The following LALBA variants were observed in gnomAD, a reference collection of about 807,000 sequenced individuals.
The protein encoded by LALBA is lactalbumin alpha.
Under a neutral mutation model 13.4 loss-of-function variants are expected in LALBA, and 12 were observed. That is an observed-to-expected ratio of 0.89 (90% confidence interval 0.57 to 1.45). The LOEUF (loss-of-function observed/expected upper bound fraction) is 1.45, where lower values mean the gene tolerates loss of function less well. Among genes scored for constraint, LALBA ranks in the 40% most tolerant of loss-of-function variants. The pLI is 0.00. For synonymous variants in LALBA, 64 were observed against 61.0 expected, an observed-to-expected ratio of 1.05 and a Z score of -0.23; for missense variants, 145 against 165.9, an observed-to-expected ratio of 0.87 and a Z score of 0.69.
chr12:48,569,543 G>A lies in LALBA; in HGVS notation c.134-303C>T, dbSNP rs544289778. The stretch of plus-strand genomic sequence containing the variant: ...AGCCTGGCCAACATGGTGAAACCCT[G>A]TCTCTACAAAAAATACAAAATTAGC... On this transcript the variant is annotated intron_variant, in intron 1 of 3. Transcript: ENST00000301046. Among the ~76,000 whole-genome samples the A allele has an allele frequency of 2.0e-5, 3 of 152,150 alleles. No individual in the cohort carries two copies. The South Asian group carries it at 6.2e-4, about 32-fold the overall frequency.
At chr12:48,571,792 A>T (rs1938637304), upstream of LALBA, among the ~76,000 whole-genome samples, 1 of 152,166 alleles carries the variant, frequency 6.6e-6, no homozygotes, top group Non-Finnish European at 1.5e-5. Context: ...GTCAGGGAAA[A>T]GTCCTCTCAG....
At position 48,567,876 on chromosome 12, in the gene LALBA, A is replaced by G; in HGVS notation, c.*81T>C. 8.4e-7 allele frequency: 1 copy of G among 1,194,576 alleles called. No homozygotes were observed. The allele number at this position is 1,194,576 out of a possible 1,614,324, so 74.0% of individuals were successfully genotyped here. On this transcript the variant is annotated 3_prime_UTR_variant, in exon 4 of 4. Transcript: ENST00000301046. Reference sequence around the variant, plus strand: ...AGACAGATAAGCTTTGGGGGAACAGAAAGAAACAAACTGAGGTGGCATTAG... The same window carrying G: ...AGACAGATAAGCTTTGGGGGAACAGGAAGAAACAAACTGAGGTGGCATTAG...
At position 48,569,064 on chromosome 12, in the gene LALBA, G is replaced by T; in HGVS notation, c.292+18C>A. On this transcript the variant is annotated intron_variant, in intron 2 of 3. Transcript: ENST00000301046. ...GGCCTCAGAAAAACAGAGAAAGAGG[G>T]TTATAGGGGCTACTCACTGTCACAG... is the stretch of plus-strand genomic sequence containing the variant. 6.3e-7 allele frequency: 1 copy of T among 1,599,714 alleles called. No individual in the cohort carries two copies. Among genetic ancestry groups the T allele is most frequent in the Middle Eastern group, 1.7e-4 (1 of 5,984 alleles).
chr12:48,570,631 T>C (rs1212591914), upstream of LALBA, among the ~76,000 whole-genome samples: 2 of 152,068 alleles, frequency 1.3e-5, no homozygotes, highest in South Asian at 2.1e-4. Context: ...AACAATCCGA[T>C]ATAACTTGGA....
chr12:48,568,552 G>T lies in LALBA; in HGVS notation c.333C>A (p.Ala111=). The T allele has an allele frequency of 6.2e-7, 1 of 1,600,250 alleles. No individual in the cohort carries two copies. The highest frequency in any genetic ancestry group is 8.5e-7 in the Non-Finnish European group (1 of 1,169,618). The part of the protein sequence containing the change: ...DDDITDDIMC[A]KKILDIKGID... The stretch of plus-strand genomic sequence containing the variant: ...TTCCTTTAATATCCAGGATCTTCTT[G>T]GCACACATTATGTCATCAGTAATGT... Residue 111 remains alanine (A), a synonymous_variant, in exon 3 of 4, where the codon GCC becomes GCA. Coordinates refer to ENST00000301046, the MANE Select transcript of LALBA (RefSeq NM_002289.3).
chr12:48,569,757 GA>G, intron 1 of LALBA, 130 bp downstream of exon 1: 1 of 781,502 alleles, frequency 1.3e-6, no homozygotes, highest in Non-Finnish European at 2.0e-6. Flanking sequence ...TGAAATAAAA[GA>G]GTATGCAAAT....
At chr12:48,570,861 C>G (rs1433883538), upstream of LALBA, among the ~76,000 whole-genome samples, 1 of 151,592 alleles carries the variant, frequency 6.6e-6, no homozygotes, top group Non-Finnish European at 1.5e-5. Context: ...CCTGTAGTCC[C>G]AGCTACTTGA....
chr12:48,569,520 C>A (rs975023489), intron 1 of LALBA, among the ~76,000 whole-genome samples: 1 of 152,136 alleles, frequency 6.6e-6, no homozygotes, highest in Non-Finnish European at 1.5e-5. Flanking sequence ...TTGAGACCAG[C>A]CTGGCCAACA....
At chr12:48,570,099 C>T, upstream of LALBA, 1 of 1,502,306 alleles carries the variant, frequency 6.7e-7, no homozygotes, top group African/African-American at 1.4e-5. Flanking sequence ...GCCTCAGGGG[C>T]TCTGGTACCA....
chr12:48,568,911 C>CAAATGAAAAATCCAAA (rs1938598882), intron 2 of LALBA, among the ~76,000 whole-genome samples, 171 bp downstream of exon 2: 1 of 152,120 alleles, frequency 6.6e-6, no homozygotes, highest in Non-Finnish European at 1.5e-5. Context: ...GATTTGATGA[C>CAAATGAAAAATCCAAA]CATGAAAAAT....
At chr12:48,569,771 G>T (rs977056082) in intron 1 of LALBA, 117 bp downstream of exon 1, 4 of 885,740 alleles carry the variant, frequency 4.5e-6, no homozygotes, top group Non-Finnish European at 7.0e-6. Flanking sequence ...ATGCAAATGA[G>T]CAGAAAAGAG....
At chr12:48,570,607 G>A (rs909298301), upstream of LALBA, among the ~76,000 whole-genome samples, 5 of 152,060 alleles carry the variant, frequency 3.3e-5, no homozygotes, top group African/African-American at 1.2e-4. Flanking sequence ...ATAGAATATG[G>A]GAACGTAGAC....
At chr12:48,569,268 A>G (rs1210805648) in intron 1 of LALBA, 28 bp from the exon 2 acceptor site, 1 of 1,569,646 alleles carries the variant, frequency 6.4e-7, no homozygotes. Flanking sequence ...AAGAGATACC[A>G]CAGAGATGTA....
Position 48,567,940 on chromosome 12 carries a change from C to A in LALBA, c.*17G>T. 1 of 1,600,384 alleles carries A rather than the reference C, an allele frequency of 6.2e-7. No individual in the cohort carries two copies. Among genetic ancestry groups the A allele is most frequent in the South Asian group, 1.1e-5 (1 of 88,070 alleles). On this transcript the variant is annotated 3_prime_UTR_variant, in exon 4 of 4. Transcript: ENST00000301046. ...CAGGAGTGTGGAGTGGGCAGGGGTG[C>A]CAAGGACAGCAGACACTCACAACTT... is the stretch of plus-strand genomic sequence containing the variant.
rs1441261410 is a variant in LALBA at position 48,570,041 on chromosome 12, T to A, written c.-21A>T. ...CTCATTTTGGCTACCCCCAAGAACC[T>A]GAAATGGAAGCATCACTCAGTTTCA... is the stretch of plus-strand genomic sequence containing the variant. On this transcript the variant is annotated 5_prime_UTR_variant, in exon 1 of 4. Coordinates refer to ENST00000301046, the MANE Select transcript of LALBA (RefSeq NM_002289.3). 2.5e-6 allele frequency: 4 copies of A among 1,612,840 alleles called. No homozygotes were observed. Among genetic ancestry groups the A allele is most frequent in the Non-Finnish European group, 3.4e-6 (4 of 1,179,536 alleles).
In LALBA at chr12:48,567,870, G is replaced by A. The variant is rs751497220; in HGVS notation, c.*87C>T. On this transcript the variant is annotated 3_prime_UTR_variant, in exon 4 of 4. Transcript: ENST00000301046. The stretch of plus-strand genomic sequence containing the variant: ...GCTCAGAGACAGATAAGCTTTGGGG[G>A]AACAGAAAGAAACAAACTGAGGTGG... 1.2e-4 allele frequency: 128 copies of A among 1,110,818 alleles called. No individual in the cohort carries two copies. Among genetic ancestry groups the A allele is most frequent in the Non-Finnish European group, 1.6e-4 (119 of 745,492 alleles). 68.8% of individuals were successfully genotyped at this position (1,110,818 alleles called of 1,614,324 possible).
chr12:48,569,960 G>T lies in LALBA; in HGVS notation c.61C>A (p.Gln21Lys). Residue 21 changes from glutamine to lysine, a missense_variant, in exon 1 of 4, where the codon CAA becomes AAA. Transcript: ENST00000301046. The part of the protein sequence containing the change: ...GILFPAILAK[Q>K]FTKCELSQLL... The stretch of plus-strand genomic sequence containing the variant: ...TGGGACAGCTCACATTTTGTGAATT[G>T]CTTGGCCAGGATGGCAGGGAACAGG... The T allele has an allele frequency of 6.2e-7, 1 of 1,613,952 alleles. No homozygotes were observed. Among genetic ancestry groups the T allele is most frequent in the Non-Finnish European group, 8.5e-7 (1 of 1,179,956 alleles).
At chr12:48,568,697 G>T in intron 2 of LALBA, 105 bp from the exon 3 acceptor site, 1 of 687,988 alleles carries the variant, frequency 1.5e-6, no homozygotes, top group Middle Eastern at 2.5e-4. Context: ...TAAACTCAAG[G>T]CTTGTGCCTG....
At chr12:48,571,636 G>A (rs1482164265), upstream of LALBA, among the ~76,000 whole-genome samples, 1 of 151,910 alleles carries the variant, frequency 6.6e-6, no homozygotes, top group East Asian at 1.9e-4. Flanking sequence ...TTGCCTGCCT[G>A]GGCCTCGGCC....
Sources: allele counts gnomAD v4.1 joint callset (sites outside exome capture counted in the v4.1 genomes callset), GRCh38; gene constraint gnomAD v4.1.1; transcripts MANE v1.5; gene names NCBI Gene and HGNC (gene_info 2026-07-23, HGNC 2026-07-21).